The following FLI1 variants were observed in gnomAD, a reference collection of about 807,000 sequenced individuals.
FLI1 encodes Fli-1 proto-oncogene, ETS transcription factor.
Under a neutral mutation model 53.1 loss-of-function variants are expected in FLI1, and 13 were observed. The ratio of observed to expected loss-of-function variants is 0.24; its 90% confidence interval spans 0.16 to 0.39. The LOEUF is 0.39. Among genes scored for constraint, FLI1 ranks in the 10% least tolerant of loss-of-function variants. FLI1 has a pLI of 1.00. For missense variants in FLI1, 424 were observed against 600.5 expected (o/e 0.71, Z 3.07); for synonymous variants, 244 against 236.7 (o/e 1.03, Z -0.28).
chr11:128,764,629 T>C (rs1941258242), intron 2 of FLI1: 1 of 1,530,166 alleles, frequency 6.5e-7, no homozygotes. Flanking sequence ...TCCCTCTTGT[T>C]TTCATCAAGC....
At position 128,701,019 on chromosome 11, in the gene FLI1, G is replaced by T. The variant is rs552069371; in HGVS notation, c.18+6743G>T. Reference sequence around the variant, plus strand: ...TCCTTAGGAAATGAAGATGGAAGTGGCTCCATCACTTATCAGAGGCCACAC... The same window carrying T: ...TCCTTAGGAAATGAAGATGGAAGTGTCTCCATCACTTATCAGAGGCCACAC... On this transcript the variant is annotated intron_variant, in intron 1 of 8. Coordinates refer to ENST00000527786, the MANE Select transcript of FLI1 (RefSeq NM_002017.5). Among the ~76,000 whole-genome samples the T allele has an allele frequency of 3.8e-4, 58 of 152,276 alleles. No homozygotes were observed. The South Asian group carries it at 0.012, about 31-fold the overall frequency.
At chr11:128,736,142 C>T (rs1306281462) in intron 1 of FLI1, among the ~76,000 whole-genome samples, 1 of 152,158 alleles carries the variant, frequency 6.6e-6, no homozygotes, top group African/African-American at 2.4e-5. Flanking sequence ...TAGAGCTGAA[C>T]ATTCAACCAC....
intron 4 of FLI1, among the ~76,000 whole-genome samples, chr11:128,778,826 A>G (rs961403572): frequency 6.6e-6 from 1 of 152,214 alleles, no homozygotes; most frequent in African/African-American, 2.4e-5. Flanking sequence ...CCAAAGCCAC[A>G]GAGAGGGAGG....
chr11:128,720,598 G>A (rs1201917524), intron 1 of FLI1, among the ~76,000 whole-genome samples: 3 of 152,184 alleles, frequency 2.0e-5, no homozygotes, highest in Non-Finnish European at 4.4e-5. Context: ...GGCAAGCCCA[G>A]GGCCCGATCT....
upstream of FLI1, chr11:128,693,880 G>C (rs1937877753): frequency 1.0e-5 from 2 of 194,308 alleles, no homozygotes; most frequent in South Asian, 3.9e-4. Context: ...AAGAGGGGGT[G>C]TGGGGGGGGA....
intron 4 of FLI1, among the ~76,000 whole-genome samples, 189 bp from the exon 5 acceptor site, chr11:128,781,769 C>T (rs1379557322): frequency 6.6e-6 from 1 of 152,176 alleles, no homozygotes; most frequent in Non-Finnish European, 1.5e-5. Context: ...CTCCATAAAG[C>T]TATTACAGGC....
At chr11:128,802,144 T>C (rs746040401) in intron 5 of FLI1, among the ~76,000 whole-genome samples, 17 of 152,236 alleles carry the variant, frequency 1.1e-4, no homozygotes, top group Non-Finnish European at 1.3e-4. Flanking sequence ...TCTCATTTAC[T>C]CTGCAAGGCT....
At chr11:128,702,705 T>C (rs544873074) in intron 1 of FLI1, among the ~76,000 whole-genome samples, 2 of 152,118 alleles carry the variant, frequency 1.3e-5, no homozygotes, top group South Asian at 4.1e-4. Flanking sequence ...TTACTAAAAG[T>C]ACAAAAATTA....
intron 1 of FLI1, among the ~76,000 whole-genome samples, chr11:128,706,492 C>T (rs1591738236): frequency 6.6e-6 from 1 of 152,194 alleles, no homozygotes; most frequent in Non-Finnish European, 1.5e-5. Context: ...TTAGGATAGC[C>T]CCCTCCCCAG....
intron 7 of FLI1, among the ~76,000 whole-genome samples, chr11:128,808,728 TA>T (rs55842038): frequency 0.053 from 6,338 of 118,668 alleles, 157 homozygotes; most frequent in Middle Eastern, 0.095. Context: ...ATGCTACATT[TA>T]AAAAAAAAAA....
At chr11:128,690,060 A>G (rs1197616966), upstream of FLI1, among the ~76,000 whole-genome samples, 1 of 152,340 alleles carries the variant, frequency 6.6e-6, no homozygotes, top group East Asian at 1.9e-4. Flanking sequence ...CCCGGCATTC[A>G]AGCGCATCCA....
At chr11:128,714,262 C>T (rs908330063) in intron 1 of FLI1, among the ~76,000 whole-genome samples, 1 of 150,650 alleles carries the variant, frequency 6.6e-6, no homozygotes, top group East Asian at 1.9e-4. Flanking sequence ...CTGGAAGATG[C>T]GCTGGCTGGC....
intron 5 of FLI1, among the ~76,000 whole-genome samples, chr11:128,784,282 G>A (rs947846787): frequency 8.0e-6 from 1 of 124,732 alleles, no homozygotes; most frequent in African/African-American, 3.0e-5. Context: ...CTGTCTTATT[G>A]TTCAGCCGTG....
upstream of FLI1, among the ~76,000 whole-genome samples, chr11:128,689,404 G>A (rs891922020): frequency 2.0e-5 from 3 of 152,016 alleles, no homozygotes; most frequent in African/African-American, 7.2e-5. Flanking sequence ...TTTTCTCCTT[G>A]TGTACCCCCC....
At chr11:128,705,858 T>G (rs1938526453) in intron 1 of FLI1, among the ~76,000 whole-genome samples, 1 of 152,142 alleles carries the variant, frequency 6.6e-6, no homozygotes. Context: ...CCTATTATTT[T>G]AAATTTTTCA....
chr11:128,758,371 C>A (rs747982607), intron 2 of FLI1, 45 bp downstream of exon 2: 4 of 1,536,128 alleles, frequency 2.6e-6, no homozygotes, highest in Admixed American at 1.8e-5. Context: ...GGCACAAAGT[C>A]GCCAGATCTG....
intron 4 of FLI1, among the ~76,000 whole-genome samples, chr11:128,777,661 A>C (rs1941778186): frequency 6.6e-6 from 1 of 152,232 alleles, no homozygotes; most frequent in South Asian, 2.1e-4. Flanking sequence ...ATTGTTGTTT[A>C]AAGATCCCAG....
intron 1 of FLI1, among the ~76,000 whole-genome samples, chr11:128,694,985 C>A (rs1937984479): frequency 6.6e-6 from 1 of 152,200 alleles, no homozygotes; most frequent in Middle Eastern, 3.4e-3. Context: ...CCCCCGTCCG[C>A]ACAGATCCCT....
chr11:128,742,701 T>A (rs1940192423), intron 1 of FLI1, among the ~76,000 whole-genome samples: 1 of 152,192 alleles, frequency 6.6e-6, no homozygotes, highest in African/African-American at 2.4e-5. Flanking sequence ...CACAGTCATC[T>A]CCCCTGGACC....
Sources: gnomAD v4.1 joint callset for allele counts (sites outside exome capture counted in the v4.1 genomes callset) on GRCh38, gnomAD v4.1.1 for gene constraint, MANE v1.5 for transcripts, NCBI Gene and HGNC (gene_info 2026-07-23, HGNC 2026-07-21) for gene names.